Variants in HDAC9 observed in about 807,000 individuals in gnomAD.
HDAC9 encodes MEF-2 interacting transcription repressor (MITR) protein.
Under a neutral mutation model 139.4 loss-of-function variants are expected in HDAC9, and 41 were observed. The ratio of observed to expected loss-of-function variants is 0.29; its 90% CI spans 0.23 to 0.38. The LOEUF (loss-of-function observed/expected upper bound fraction) is 0.38. HDAC9 is among the 10% of genes least tolerant of loss of function. The probability of loss-of-function intolerance (pLI) is 1.00; values close to 1 mark genes in which losing one functional copy is unlikely to be tolerated. For synonymous variants in HDAC9, 517 were observed against 476.2 expected (o/e 1.09, Z -1.12); for missense variants, 1,147 against 1,297.0 (o/e 0.88, Z 1.78).
At chr7:18,329,598 A>G (rs551911397) in intron 1 of HDAC9, among the ~76,000 whole-genome samples, 10 of 151,712 alleles carry the variant, frequency 6.6e-5, no homozygotes, top group Admixed American at 2.0e-4. Context: ...GTATAATTCA[A>G]TGTTTGATGA....
intron 2 of HDAC9, among the ~76,000 whole-genome samples, chr7:18,216,939 G>T (rs765140463): frequency 6.6e-6 from 1 of 152,038 alleles, no homozygotes; most frequent in Non-Finnish European, 1.5e-5. Context: ...AGTATCTTGA[G>T]GAAGGGACTT....
chr7:18,168,757 G>A (rs766663672), intron 2 of HDAC9, among the ~76,000 whole-genome samples: 10 of 152,106 alleles, frequency 6.6e-5, no homozygotes, highest in African/African-American at 1.7e-4. Flanking sequence ...GAATGTCAAC[G>A]TATAGCAGTT....
At chr7:18,811,584 A>T (rs1299914027) in intron 17 of HDAC9, among the ~76,000 whole-genome samples, 2 of 151,820 alleles carry the variant, frequency 1.3e-5, no homozygotes, top group Non-Finnish European at 2.9e-5. Context: ...CACTGGGGTC[A>T]GAAAACATTT....
At chr7:18,191,043 AG>A (rs1270176516) in intron 2 of HDAC9, among the ~76,000 whole-genome samples, 1 of 152,196 alleles carries the variant, frequency 6.6e-6, no homozygotes, top group Non-Finnish European at 1.5e-5. Flanking sequence ...ACAGGGATTA[AG>A]GGTGCTATCA....
At chr7:18,972,274 T>C (rs573001874) in intron 24 of HDAC9, among the ~76,000 whole-genome samples, 2 of 152,254 alleles carry the variant, frequency 1.3e-5, no homozygotes, top group Non-Finnish European at 2.9e-5. Context: ...AATGTGGAAG[T>C]TGTGCTCCAT....
At chr7:18,574,315 G>C (rs182042309) in intron 2 of HDAC9, among the ~76,000 whole-genome samples, 2 of 152,342 alleles carry the variant, frequency 1.3e-5, no homozygotes, top group Non-Finnish European at 2.9e-5. Flanking sequence ...AGGTGACCTA[G>C]AACGGGTAGC....
At chr7:18,374,148 A>G (rs1784800983) in intron 1 of HDAC9, among the ~76,000 whole-genome samples, 1 of 151,696 alleles carries the variant, frequency 6.6e-6, no homozygotes, top group Non-Finnish European at 1.5e-5. Context: ...ACCGTATCAT[A>G]TATACTAGAT....
intron 22 of HDAC9, among the ~76,000 whole-genome samples, chr7:18,904,659 T>C (rs1802044838): frequency 7.4e-6 from 1 of 135,972 alleles, no homozygotes; most frequent in South Asian, 2.5e-4. Flanking sequence ...CACTGCAAGC[T>C]CCGCCTCCCG....
chr7:18,688,448 C>T, intron 12 of HDAC9, among the ~76,000 whole-genome samples: 1 of 151,742 alleles, frequency 6.6e-6, no homozygotes, highest in Admixed American at 6.6e-5. Flanking sequence ...TGACATTTTC[C>T]AACCAATTAT....
intron 17 of HDAC9, among the ~76,000 whole-genome samples, chr7:18,817,759 T>G (rs1216251713): frequency 6.6e-6 from 1 of 152,196 alleles, no homozygotes; most frequent in African/African-American, 2.4e-5. Flanking sequence ...GGAGAAAAAC[T>G]GTACTATCCC....
At chr7:18,155,926 G>A (rs1400615013) in intron 1 of HDAC9, among the ~76,000 whole-genome samples, 1 of 152,164 alleles carries the variant, frequency 6.6e-6, no homozygotes, top group Non-Finnish European at 1.5e-5. Flanking sequence ...ATCACCGACT[G>A]CATTGCTGAT....
intron 1 of HDAC9, among the ~76,000 whole-genome samples, chr7:18,451,366 T>TGC (rs1489426544): frequency 1.9e-4 from 22 of 114,032 alleles, no homozygotes; most frequent in Admixed American, 3.2e-4. Flanking sequence ...CATGTATATG[T>TGC]GCGTGTGTGT....
intron 1 of HDAC9, among the ~76,000 whole-genome samples, chr7:18,108,291 G>T (rs531730993): frequency 6.6e-6 from 1 of 152,290 alleles, no homozygotes; most frequent in African/African-American, 2.4e-5. Context: ...TGACCAGGGA[G>T]TGTGGGGCAG....
intron 2 of HDAC9, among the ~76,000 whole-genome samples, chr7:18,536,816 A>G (rs775881241): frequency 1.2e-4 from 18 of 152,194 alleles, no homozygotes; most frequent in Non-Finnish European, 2.2e-4. Flanking sequence ...ATTCAAGAGA[A>G]TATACTAGGG....
intron 13 of HDAC9, among the ~76,000 whole-genome samples, chr7:18,733,934 A>G (rs1389343385): frequency 6.6e-6 from 1 of 152,124 alleles, no homozygotes; most frequent in African/African-American, 2.4e-5. Context: ...ATATTTTGTT[A>G]TCTTGTTAAT....
chr7:18,588,083 T>C (rs1461044888), intron 3 of HDAC9, among the ~76,000 whole-genome samples: 1 of 152,228 alleles, frequency 6.6e-6, no homozygotes, highest in East Asian at 1.9e-4. Flanking sequence ...AAGATTTTAA[T>C]ATGAAGAGTA....
At chr7:18,288,793 A>G (rs1454019841), upstream of HDAC9, among the ~76,000 whole-genome samples, 1 of 152,148 alleles carries the variant, frequency 6.6e-6, no homozygotes, top group Non-Finnish European at 1.5e-5. Flanking sequence ...GACATTACAT[A>G]GAAATAAGTT....
chr7:18,405,816 C>T (rs1245536228), intron 1 of HDAC9, among the ~76,000 whole-genome samples: 2 of 152,192 alleles, frequency 1.3e-5, no homozygotes, highest in African/African-American at 4.8e-5. Context: ...ACCGCTTTAG[C>T]ACTTTAACCT....
intron 21 of HDAC9, among the ~76,000 whole-genome samples, chr7:18,858,156 G>T (rs890502171): frequency 3.3e-5 from 5 of 152,218 alleles, no homozygotes; most frequent in Admixed American, 2.6e-4. Flanking sequence ...AATAATCAGT[G>T]AGAAAGCTAG....
Sources: gnomAD v4.1 joint callset for allele counts (sites outside exome capture counted in the v4.1 genomes callset) on GRCh38, gnomAD v4.1.1 for gene constraint, MANE v1.5 for transcripts, NCBI Gene and HGNC (gene_info 2026-07-23, HGNC 2026-07-21) for gene names.